TRPM3: variants seen among roughly 807,000 people sequenced by gnomAD.
The protein encoded by TRPM3 is transient receptor potential cation channel subfamily M member 3, also known as long transient receptor potential channel 3.
A neutral mutation model predicts 181.2 loss-of-function variants in TRPM3; 77 were observed. The observed-to-expected ratio is 0.42, with a 90% CI of 0.35 to 0.51. The LOEUF (loss-of-function observed/expected upper bound fraction) is 0.51, where lower values mean the gene tolerates loss of function less well. Among genes scored for constraint, TRPM3 ranks in the 20% least tolerant of loss-of-function variants. The pLI is 0.01. For synonymous variants in TRPM3, 745 were observed against 796.4 expected, an observed-to-expected ratio of 0.94 and a Z score of 1.09; for missense variants, 1,759 against 2,196.7, an observed-to-expected ratio of 0.80 and a Z score of 3.98.
At position 71,350,273 on chromosome 9, in the gene TRPM3, A is replaced by G. The variant is rs184569097; in HGVS notation, c.183+96380T>C. 2.9e-3 allele frequency among the ~76,000 whole-genome samples: 442 copies of G among 152,322 alleles called. 3 individuals are homozygous for G. The highest frequency in any genetic ancestry group is 9.9e-3 in the African/African-American group (413 of 41,586). On this transcript the variant is annotated intron_variant, in intron 1 of 24. Coordinates refer to the TRPM3 transcript ENST00000357533. The stretch of plus-strand genomic sequence containing the variant: ...GGTATTTCATGTCAAGTACTAGTCA[A>G]TCATGACAACAGAACTGTAGGTCAT...
intron 9 of TRPM3, among the ~76,000 whole-genome samples, chr9:70,647,597 C>T (rs771181384): frequency 1.3e-5 from 2 of 152,110 alleles, no homozygotes; most frequent in South Asian, 4.1e-4. Flanking sequence ...ACTGAACAGG[C>T]GAAAGCTGGA....
chr9:71,415,409 CTATT>C (rs2093621783), intron 1 of TRPM3, among the ~76,000 whole-genome samples: 1 of 151,938 alleles, frequency 6.6e-6, no homozygotes, highest in South Asian at 2.1e-4. Flanking sequence ...TAAATATTGT[CTATT>C]TATTAATATC....
At chr9:70,946,017 T>C (rs1399217522) in intron 1 of TRPM3, among the ~76,000 whole-genome samples, 7 of 152,188 alleles carry the variant, frequency 4.6e-5, no homozygotes, top group Non-Finnish European at 8.8e-5. Flanking sequence ...GAAGCAGACA[T>C]ACTTTTAGTC....
At chr9:70,940,613 T>C (rs1036525103) in intron 1 of TRPM3, among the ~76,000 whole-genome samples, 4 of 152,148 alleles carry the variant, frequency 2.6e-5, no homozygotes, top group Non-Finnish European at 5.9e-5. Context: ...GCAATATAAA[T>C]AGTGTGAAAG....
At chr9:70,780,596 A>T (rs1264734171) in intron 7 of TRPM3, among the ~76,000 whole-genome samples, 1 of 152,086 alleles carries the variant, frequency 6.6e-6, no homozygotes, top group Non-Finnish European at 1.5e-5. Context: ...AATGATTTTT[A>T]AAATTGGCTG....
intron 1 of TRPM3, among the ~76,000 whole-genome samples, chr9:71,229,357 G>T (rs561388522): frequency 2.6e-5 from 4 of 151,962 alleles, no homozygotes; most frequent in Non-Finnish European, 5.9e-5. Context: ...CTCAAACTAC[G>T]AAACCACTCA....
chr9:71,083,285 G>A (rs891999772), intron 1 of TRPM3, among the ~76,000 whole-genome samples: 9 of 152,086 alleles, frequency 5.9e-5, no homozygotes, highest in African/African-American at 1.9e-4. Context: ...ATGATTTACA[G>A]ACATCATCTC....
intron 3 of TRPM3, among the ~76,000 whole-genome samples, chr9:70,847,095 C>T (rs989393628): frequency 6.6e-6 from 1 of 152,114 alleles, no homozygotes; most frequent in African/African-American, 2.4e-5. Flanking sequence ...GCTATAACAA[C>T]TGCATACCAA....
intron 22 of TRPM3, among the ~76,000 whole-genome samples, chr9:70,565,492 C>T (rs1248578592): frequency 6.6e-6 from 1 of 152,064 alleles, no homozygotes; most frequent in Non-Finnish European, 1.5e-5. Flanking sequence ...AAGGTTTTGC[C>T]ATGTTGGTCA....
At chr9:70,913,834 A>C (rs1024866147) in intron 1 of TRPM3, among the ~76,000 whole-genome samples, 1 of 152,186 alleles carries the variant, frequency 6.6e-6, no homozygotes, top group African/African-American at 2.4e-5. Flanking sequence ...AAACATAAAA[A>C]TTGCTAAGCA....
At chr9:70,837,461 C>G (rs906730239) in intron 5 of TRPM3, among the ~76,000 whole-genome samples, 1 of 152,154 alleles carries the variant, frequency 6.6e-6, no homozygotes, top group African/African-American at 2.4e-5. Flanking sequence ...TGTTGTAAAT[C>G]TACCCAAACA....
chr9:70,661,435 C>G (rs2061123718), intron 9 of TRPM3, among the ~76,000 whole-genome samples: 1 of 151,346 alleles, frequency 6.6e-6, no homozygotes, highest in Non-Finnish European at 1.5e-5. Context: ...GAAGTCCTAA[C>G]CAGAGCAATC....
chr9:70,839,224 C>A (rs1402151974), intron 5 of TRPM3, among the ~76,000 whole-genome samples: 4 of 152,142 alleles, frequency 2.6e-5, no homozygotes, highest in Admixed American at 2.6e-4. Flanking sequence ...CCCAATCCAT[C>A]TTCATCAATA....
intron 1 of TRPM3, among the ~76,000 whole-genome samples, chr9:71,444,177 CAAAAA>C: frequency 8.9e-6 from 1 of 112,912 alleles, no homozygotes; most frequent in African/African-American, 3.7e-5. Flanking sequence ...GAATACATCT[CAAAAA>C]AAAAAAAAAA....
intron 25 of TRPM3, among the ~76,000 whole-genome samples, chr9:70,540,328 C>T (rs1344553541): frequency 6.6e-6 from 1 of 152,130 alleles, no homozygotes; most frequent in Non-Finnish European, 1.5e-5. Context: ...CTCTGGAGCC[C>T]AGTGTGTACA....
chr9:71,049,843 TC>T (rs1411848036), intron 1 of TRPM3, among the ~76,000 whole-genome samples: 2 of 152,126 alleles, frequency 1.3e-5, no homozygotes, highest in Non-Finnish European at 2.9e-5. Flanking sequence ...TTGGGAAAGT[TC>T]CCTTACTTTC....
At chr9:70,841,661 T>TATATATATATATATATATATATGA (rs1339698170) in intron 5 of TRPM3, among the ~76,000 whole-genome samples, 4 of 86,080 alleles carry the variant, frequency 4.6e-5, no homozygotes, top group African/African-American at 1.4e-4. Context: ...TATATATATA[T>TATATATATATATATATATATATGA]CCCACCATAT....
intron 1 of TRPM3, among the ~76,000 whole-genome samples, chr9:71,413,625 T>C (rs1008577142): frequency 1.3e-5 from 2 of 152,042 alleles, no homozygotes; most frequent in African/African-American, 4.8e-5. Context: ...TGCAACAGTG[T>C]TGGGAGGTAT....
At chr9:71,338,092 G>GA (rs386734897) in intron 1 of TRPM3, among the ~76,000 whole-genome samples, 25,349 of 144,384 alleles carry the variant, frequency 0.18, 2,262 homozygotes, top group South Asian at 0.27. Context: ...AACAACAACA[G>GA]AAAAAAAAAA....
Sources: gnomAD v4.1 joint callset for allele counts (sites outside exome capture counted in the v4.1 genomes callset) on GRCh38, gnomAD v4.1.1 for gene constraint, MANE v1.5 for transcripts, NCBI Gene and HGNC (gene_info 2026-07-23, HGNC 2026-07-21) for gene names.